The following VCAN variants were observed in gnomAD, a reference collection of about 807,000 sequenced individuals.
The protein encoded by VCAN is versican.
VCAN carries 44 observed loss-of-function variants against 245.5 expected under a neutral mutation model. The ratio of observed to expected loss-of-function variants is 0.18; its 90% CI spans 0.14 to 0.23. VCAN has a LOEUF of 0.23. Among genes scored for constraint, VCAN ranks in the 10% least tolerant of loss-of-function variants. The pLI is 1.00. For missense variants in VCAN, 3,793 were observed against 4,057.9 expected, an observed-to-expected ratio of 0.93 and a Z score of 1.77; for synonymous variants, 1,413 against 1,437.0, an observed-to-expected ratio of 0.98 and a Z score of 0.38.
chr5:83,486,345 A>G (rs1303492128), intron 2 of VCAN, among the ~76,000 whole-genome samples: 1 of 152,180 alleles, frequency 6.6e-6, no homozygotes, highest in African/African-American at 2.4e-5. Flanking sequence ...TGTTGACTAA[A>G]TGAGTGAATA....
At chr5:83,518,045 T>C (rs1185813291) in intron 6 of VCAN, among the ~76,000 whole-genome samples, 1 of 152,102 alleles carries the variant, frequency 6.6e-6, no homozygotes, top group Non-Finnish European at 1.5e-5. Flanking sequence ...TCTGGAATTA[T>C]TAAAAATAAA....
At chr5:83,475,838 A>C (rs1744370165) in intron 1 of VCAN, among the ~76,000 whole-genome samples, 1 of 152,212 alleles carries the variant, frequency 6.6e-6, no homozygotes, top group Non-Finnish European at 1.5e-5. Context: ...TTTAGGATTT[A>C]TGTCAGAATT....
chr5:83,519,329 C>A lies in VCAN; in HGVS notation c.1043-20C>A. 6.2e-7 allele frequency: 1 copy of A among 1,613,162 alleles called. No homozygotes were observed. The highest frequency in any genetic ancestry group is 2.2e-5 in the East Asian group (1 of 44,880). ...TTATTAGTGACTTGTCTAATCAACT[C>A]TTTGAAATTATTTTTCTAGCTAAAG... On this transcript the variant is annotated intron_variant, in intron 6 of 14. Coordinates refer to ENST00000265077, the MANE Select transcript of VCAN (RefSeq NM_004385.5).
chr5:83,506,887 AG>A lies in VCAN; in HGVS notation c.749-5215del, dbSNP rs1243251866. On this transcript the variant is annotated intron_variant, in intron 5 of 14. Transcript: ENST00000265077. The stretch of plus-strand genomic sequence containing the variant: ...AAATGAGGAAGAAGCAAAAGCAGAA[AG>A]CCCCTGATAAACCCATGAGATCTTT... 4.6e-5 allele frequency among the ~76,000 whole-genome samples: 7 copies of A among 152,290 alleles called. No homozygotes were observed. In the East Asian group the frequency reaches 5.8e-4, roughly 13 times the overall value.
At chr5:83,498,516 T>C (rs978499317) in intron 5 of VCAN, among the ~76,000 whole-genome samples, 3 of 152,334 alleles carry the variant, frequency 2.0e-5, no homozygotes, top group Admixed American at 2.0e-4. Context: ...GATCCATCAG[T>C]ATACTATCTG....
In VCAN at chr5:83,522,489, T is replaced by G. The variant is rs75228188; in HGVS notation, c.4003+180T>G. Among the ~76,000 whole-genome samples the G allele has an allele frequency of 3.8e-4, 58 of 152,352 alleles. No individual in the cohort carries two copies. The East Asian group carries it at 7.1e-3, about 19-fold the overall frequency. ...AATTGGAAGAATATGTTAAACAATG[T>G]GGAAGAATGTTAGATACAATTTTAT... On this transcript the variant is annotated intron_variant, in intron 7 of 14. Transcript: ENST00000265077.
intron 7 of VCAN, among the ~76,000 whole-genome samples, chr5:83,533,608 T>A (rs1438192836): frequency 6.6e-6 from 1 of 152,140 alleles, no homozygotes; most frequent in Non-Finnish European, 1.5e-5. Flanking sequence ...TTTAATTTTG[T>A]GTGCAAAAAC....
chr5:83,478,979 G>C (rs1180635124), intron 1 of VCAN, among the ~76,000 whole-genome samples: 1 of 152,184 alleles, frequency 6.6e-6, no homozygotes, highest in African/African-American at 2.4e-5. Flanking sequence ...ACCAGGCAGA[G>C]AACAGAGGAG....
rs759573232 is a variant in VCAN, at chr5:83,537,627, C to T, written c.4624C>T (p.Leu1542=). Residue 1542 remains leucine (L), a synonymous_variant, in exon 8 of 15, where the codon CTG becomes TTG. Transcript: ENST00000265077. ...ACATGAACATACTGAACCTGTATCT[C>T]TGTTTCCTGAAGAGTCTTCAGGAGA... ...QAHEHTEPVS[L]FPEESSGEIA... is the part of the protein sequence containing the mutation. 3.7e-5 allele frequency: 60 copies of T among 1,613,698 alleles called. No individual in the cohort carries two copies. The highest frequency in any genetic ancestry group is 1.7e-6 in the Non-Finnish European group (2 of 1,179,916).
chr5:83,481,303 T>C (rs1744606901), intron 1 of VCAN, among the ~76,000 whole-genome samples: 1 of 150,692 alleles, frequency 6.6e-6, no homozygotes, highest in Non-Finnish European at 1.5e-5. Flanking sequence ...CAATCTCAGC[T>C]CACTGCAACC....
Position 83,537,188 on chromosome 5 carries a change from G to C in VCAN, c.4185G>C (p.Glu1395Asp). 6.2e-7 allele frequency: 1 copy of C among 1,613,666 alleles called. No individual in the cohort carries two copies. The highest frequency in any genetic ancestry group is 8.5e-7 in the Non-Finnish European group (1 of 1,179,862). ...HSEENEEEEEECANATDVTTT... is the reference protein window; with the variant it reads ...HSEENEEEEEDCANATDVTTT... ...AAGAAAATGAAGAAGAAGAAGAAGA[G>C]TGTGCAAATGCTACTGATGTGACAA... The change falls in exon 8 of 15, where the codon GAG becomes GAC. Residue 1395 changes from glutamate to aspartate, a missense_variant. Around this residue, in one of 5 missense-constraint regions of VCAN, gnomAD observed 3,182 missense variants for 3,250.3 expected, o/e 0.98. Transcript: ENST00000265077.
intron 9 of VCAN, among the ~76,000 whole-genome samples, chr5:83,547,401 G>C (rs549322560): frequency 2.0e-5 from 3 of 152,174 alleles, no homozygotes; most frequent in African/African-American, 7.2e-5. Flanking sequence ...GGGAGCTCAC[G>C]TTGAAGACTG....
intron 7 of VCAN, among the ~76,000 whole-genome samples, chr5:83,526,780 A>G (rs1391414491): frequency 1.3e-5 from 2 of 152,224 alleles, no homozygotes; most frequent in African/African-American, 4.8e-5. Context: ...CCTATGTGTC[A>G]TCAAGATAAT....
chr5:83,521,168 T>A lies in VCAN; in HGVS notation c.2862T>A (p.Phe954Leu), dbSNP rs201060896. Residue 954 changes from phenylalanine (F) to leucine (L), a missense_variant, in exon 7 of 15, where the codon TTT becomes TTA. Physicochemically the swap from Phe to Leu is conservative, Grantham distance 22. Transcript: ENST00000265077. ...AHTSEVEGLA[F>L]VSYSSTQEPT... ...CTTCAGAGGTGGAAGGATTAGCATTTGTTAGTTATAGTAGCACCCAAGAGC... is the reference window on the plus strand; with the variant it reads ...CTTCAGAGGTGGAAGGATTAGCATTAGTTAGTTATAGTAGCACCCAAGAGC... 3 of 1,613,548 alleles carry A rather than the reference T, an allele frequency of 1.9e-6. No homozygotes were observed.
intron 11 of VCAN, 26 bp downstream of exon 11, chr5:83,553,548 C>T: frequency 4.3e-6 from 7 of 1,613,708 alleles, no homozygotes; most frequent in Non-Finnish European, 5.9e-6. Flanking sequence ...ATACGAGTTT[C>T]CAGGAACTTC....
At chr5:83,573,048 C>T (rs1353152962) in intron 13 of VCAN, among the ~76,000 whole-genome samples, 2 of 151,514 alleles carry the variant, frequency 1.3e-5, no homozygotes, top group East Asian at 1.9e-4. Flanking sequence ...TACAGGCGTG[C>T]ACCATCACAC....
intron 5 of VCAN, among the ~76,000 whole-genome samples, chr5:83,506,240 T>G (rs1233785815): frequency 6.6e-6 from 1 of 152,254 alleles, no homozygotes; most frequent in East Asian, 1.9e-4. Flanking sequence ...TTCTACTGCA[T>G]AGTCAGGCTG....
intron 12 of VCAN, among the ~76,000 whole-genome samples, chr5:83,560,911 C>T (rs1279756522): frequency 3.9e-5 from 6 of 152,124 alleles, no homozygotes; most frequent in Admixed American, 1.3e-4. Flanking sequence ...GTGGATCAGA[C>T]GCATTTACTT....
In VCAN at chr5:83,547,993, T is replaced by G. The variant is rs1172026308; in HGVS notation, c.9402T>G (p.Asn3134Lys). Residue 3134 changes from asparagine to lysine, a missense_variant, in exon 10 of 15, where the codon AAT becomes AAG. Asn to Lys is a moderately conservative substitution (Grantham distance 94). Coordinates refer to ENST00000265077, the MANE Select transcript of VCAN (RefSeq NM_004385.5). The stretch of plus-strand genomic sequence containing the variant: ...CAGATTTTGATGAATGTCACTCTAA[T>G]CCCTGTCGTAATGGAGCCACTTGTG... The part of the protein sequence containing the change: ...CELDFDECHS[N>K]PCRNGATCVD... The G allele has an allele frequency of 6.2e-7, 1 of 1,613,902 alleles. No homozygotes were observed.
Sources: allele counts gnomAD v4.1 joint callset (sites outside exome capture counted in the v4.1 genomes callset), GRCh38; gene constraint gnomAD v4.1.1; regional missense constraint gnomAD v4.1.1; transcripts MANE v1.5; gene names NCBI Gene and HGNC (gene_info 2026-07-23, HGNC 2026-07-21).